CELSR1: variants seen among roughly 807,000 people sequenced by gnomAD.
CELSR1 encodes cadherin EGF LAG seven-pass G-type receptor 1.
In CELSR1, 110 loss-of-function variants were observed where a neutral mutation model predicts 249.1. The observed-to-expected ratio is 0.44, with a 90% CI of 0.38 to 0.52. CELSR1 has a LOEUF of 0.52. CELSR1 is among the 20% of genes least tolerant of loss of function. CELSR1 has a pLI of 0.00. For missense variants in CELSR1, 4,109 were observed against 4,296.4 expected, an observed-to-expected ratio of 0.96 and a Z score of 1.22; for synonymous variants, 2,113 against 1,900.0, an observed-to-expected ratio of 1.11 and a Z score of -2.92.
In CELSR1 at chr22:46,369,710, G is replaced by A. The variant is rs1198327969; in HGVS notation, c.7854C>T (p.Pro2618=). The A allele has an allele frequency of 3.1e-6, 5 of 1,613,496 alleles. No individual in the cohort carries two copies. The highest frequency in any genetic ancestry group is 2.2e-5 in the East Asian group (1 of 44,876). The stretch of plus-strand genomic sequence containing the variant: ...CACTCACGATTATAACAGCTCCGAT[G>A]GGCCCCGCAAAGCTCCAAATCAGGG... ...QDTLIWSFAG[P]IGAVIIINTV... is the part of the protein sequence containing the mutation. Residue 2618 remains proline, a synonymous_variant, in exon 26 of 35, where the codon CCC becomes CCT. Transcript: ENST00000674500.
Position 46,535,517 on chromosome 22 carries a change from A to T in CELSR1, c.1654T>A (p.Ser552Thr), listed in dbSNP as rs1206845515. The change falls in exon 1 of 35, where the codon TCT becomes ACT. Residue 552 changes from serine (S) to threonine (T), a missense_variant. By Grantham distance (58) the Ser-to-Thr change is moderately conservative. Coordinates refer to ENST00000674500, the MANE Select transcript of CELSR1 (RefSeq NM_001378328.1). ...PPLINSSGVV[S>T]VQVLDVNDNE... Reference sequence around the variant, plus strand: ...TCGTTGACATCCAGCACCTGCACAGACACCACCCCTGAAGAATTGATGAGC... The same window carrying T: ...TCGTTGACATCCAGCACCTGCACAGTCACCACCCCTGAAGAATTGATGAGC... 1.9e-6 allele frequency: 3 copies of T among 1,613,108 alleles called. No homozygotes were observed. Among genetic ancestry groups the T allele is most frequent in the Non-Finnish European group, 2.5e-6 (3 of 1,179,972 alleles).
intron 13 of CELSR1, among the ~76,000 whole-genome samples, chr22:46,394,985 T>G (rs896192404): frequency 5.3e-5 from 8 of 152,194 alleles, no homozygotes; most frequent in African/African-American, 1.9e-4. Flanking sequence ...CCCACCTGCC[T>G]GCAACGGCCC....
At position 46,381,838 on chromosome 22, in the gene CELSR1, G is replaced by A. The variant is rs2147219089; in HGVS notation, c.7088+8C>T. The A allele has an allele frequency of 1.3e-6, 2 of 1,545,936 alleles. No individual in the cohort carries two copies. Among genetic ancestry groups the A allele is most frequent in the South Asian group, 2.4e-5 (2 of 84,224 alleles). On this transcript the variant is annotated splice_region_variant and intron_variant, in intron 21 of 34. Coordinates refer to ENST00000674500, the MANE Select transcript of CELSR1 (RefSeq NM_001378328.1). This position sits in a 1 kb window ranked among gnomAD's most constrained non-coding sequence, Gnocchi z 6.0. ...GCCCTCCCCGTGTGCCCCGTGCCCA[G>A]GCCTTACCGGAGGCTGCGACGGTCG...
At chr22:46,452,006 G>A (rs1015341086) in intron 2 of CELSR1, among the ~76,000 whole-genome samples, 4 of 152,196 alleles carry the variant, frequency 2.6e-5, no homozygotes, top group Admixed American at 6.5e-5. Context: ...GCCACCAGGC[G>A]CCGGGGAGGC....
At chr22:46,384,206 G>A (rs2079008265) in intron 20 of CELSR1, among the ~76,000 whole-genome samples, 1 of 152,254 alleles carries the variant, frequency 6.6e-6, no homozygotes, top group Non-Finnish European at 1.5e-5. Flanking sequence ...AAAGTGCTGG[G>A]ATTACAGGCG....
chr22:46,409,073 G>A lies in CELSR1; in HGVS notation c.5149C>T (p.Leu1717Phe). The change falls in exon 9 of 35, where the codon CTC (leucine) becomes TTC (phenylalanine). Residue 1717 changes from leucine (L) to phenylalanine (F), a missense_variant. Physicochemically the swap from Leu to Phe is conservative, Grantham distance 22. Coordinates refer to ENST00000674500, the MANE Select transcript of CELSR1 (RefSeq NM_001378328.1). The surrounding 1 kb of genome is among the most constrained non-coding windows in gnomAD (Gnocchi z 9.8). ...TCCTCCTTCCGGGTCCGGAACATGAGCCCCAGGTACCAGGGCACAGAGATG... is the reference window on the plus strand; with the variant it reads ...TCCTCCTTCCGGGTCCGGAACATGAACCCCAGGTACCAGGGCACAGAGATG... Reference protein sequence around the residue: ...IIISVPWYLGLMFRTRKEDSV... With the variant: ...IIISVPWYLGFMFRTRKEDSV... The A allele has an allele frequency of 6.2e-7, 1 of 1,611,874 alleles. No homozygotes were observed. The highest frequency in any genetic ancestry group is 1.3e-5 in the African/African-American group (1 of 74,374).
rs567119798 is a variant in CELSR1 at position 46,433,827 on chromosome 22, G to A, written c.4523-346C>T. Among the ~76,000 whole-genome samples the A allele has an allele frequency of 3.3e-4, 50 of 152,268 alleles. No homozygotes were observed. The highest frequency in any genetic ancestry group is 1.2e-3 in the African/African-American group (49 of 41,528). On this transcript the variant is annotated intron_variant, in intron 4 of 34. Coordinates refer to ENST00000674500, the MANE Select transcript of CELSR1 (RefSeq NM_001378328.1). This position sits in a 1 kb window ranked among gnomAD's most constrained non-coding sequence, Gnocchi z 5.7. ...AGCCTCCTGAGTAGCTGGGATTACA[G>A]GCACCCACCACCACACCCGGCTAAT...
rs1379375713 is a variant in CELSR1, at chr22:46,423,351, G to A, written c.4611+10042C>T. ...TGGCCAGGCGCGGTGGCTCACGCCT[G>A]TAATCCCAGCACTTTGGGAGGCCGA... On this transcript the variant is annotated intron_variant, in intron 5 of 34. Transcript: ENST00000674500. The surrounding 1 kb of genome is among the most constrained non-coding windows in gnomAD (Gnocchi z 5.6). Among the ~76,000 whole-genome samples, 12 of 151,640 alleles carry A rather than the reference G, an allele frequency of 7.9e-5. No individual in the cohort carries two copies. The highest frequency in any genetic ancestry group is 1.5e-4 in the African/African-American group (6 of 41,320).
chr22:46,432,001 C>T (rs1371703292), intron 5 of CELSR1, among the ~76,000 whole-genome samples: 2 of 152,200 alleles, frequency 1.3e-5, no homozygotes, highest in Admixed American at 6.5e-5. Flanking sequence ...CCCCAAACCC[C>T]GAGCAAGCAC....
chr22:46,486,243 G>A (rs2080311847), intron 1 of CELSR1, among the ~76,000 whole-genome samples: 1 of 150,740 alleles, frequency 6.6e-6, no homozygotes, highest in Non-Finnish European at 1.5e-5. Flanking sequence ...CCGGCCTCAG[G>A]TACTTTTTAA....
rs59440802 is a variant in CELSR1, at chr22:46,488,665, CT to C, written c.3545-24321del. 0.53 allele frequency among the ~76,000 whole-genome samples: 77,879 copies of C among 147,438 alleles called. 20,775 individuals carry two copies. Among genetic ancestry groups the C allele is most frequent in the African/African-American group, 0.63 (25,413 of 40,070 alleles). On this transcript the variant is annotated intron_variant, in intron 1 of 34. Transcript: ENST00000674500. The surrounding 1 kb of genome is among the most constrained non-coding windows in gnomAD (Gnocchi z 4.7). ...ACCACTCCCGTGCCACAGCCCTGCC[CT>C]TTTTTTTTTTTGAGACGGAGTCTTG...
At chr22:46,463,599 C>A in intron 2 of CELSR1, 108 bp downstream of exon 2, 1 of 1,258,014 alleles carries the variant, frequency 7.9e-7, no homozygotes, top group Non-Finnish European at 1.1e-6. Flanking sequence ...AGCGCCCATC[C>A]TCCAGCTGTT....
chr22:46,516,179 T>G (rs1028417399), intron 1 of CELSR1, among the ~76,000 whole-genome samples: 27 of 152,258 alleles, frequency 1.8e-4, no homozygotes, highest in African/African-American at 5.5e-4. Flanking sequence ...GCGGCACTAC[T>G]CACAATAGCA....
At chr22:46,378,226 G>A (rs1311372055) in intron 23 of CELSR1, among the ~76,000 whole-genome samples, 1 of 152,178 alleles carries the variant, frequency 6.6e-6, no homozygotes, top group Non-Finnish European at 1.5e-5. Context: ...GGTGGGGAGC[G>A]GCACCGTCCA....
Position 46,468,106 on chromosome 22 carries a change from G to A in CELSR1, c.3545-3761C>T, listed in dbSNP as rs563618446. Among the ~76,000 whole-genome samples the A allele has an allele frequency of 1.5e-4, 23 of 151,898 alleles. No homozygotes were observed. The highest frequency in any genetic ancestry group is 1.4e-3 in the East Asian group (7 of 5,146). ...TTAACGGATTAAAACAATGTGGTCT[G>A]GCCAGGTGTGGTGGCTTACACCTGT... On this transcript the variant is annotated intron_variant, in intron 1 of 34. Coordinates refer to ENST00000674500, the MANE Select transcript of CELSR1 (RefSeq NM_001378328.1). This position sits in a 1 kb window ranked among gnomAD's most constrained non-coding sequence, Gnocchi z 4.5.
chr22:46,394,278 G>C lies in CELSR1; in HGVS notation c.5844-16C>G. 9 of 1,609,580 alleles carry C rather than the reference G, an allele frequency of 5.6e-6. No individual in the cohort carries two copies. Among genetic ancestry groups the C allele is most frequent in the Non-Finnish European group, 7.6e-6 (9 of 1,178,258 alleles). On this transcript the variant is annotated splice_polypyrimidine_tract_variant and intron_variant, in intron 13 of 34. Coordinates refer to ENST00000674500, the MANE Select transcript of CELSR1 (RefSeq NM_001378328.1). ...AAGGTCGAGTCTGTGGGGAAAATAA[G>C]AGGGCAGCTGGAAGGTTTATGTAAC...
At position 46,367,828 on chromosome 22, in the gene CELSR1, C is replaced by T; in HGVS notation, c.7980G>A (p.Leu2660=). The T allele has an allele frequency of 6.2e-7, 1 of 1,611,518 alleles. No individual in the cohort carries two copies. The highest frequency in any genetic ancestry group is 8.5e-7 in the Non-Finnish European group (1 of 1,179,706). ...GCCAGGTGGCGCTGATGAGCAGCAG[C>T]AGGAGGAATGCGGTCCTCAGCAGGG... ...IVSLLRTAFL[L]LLLISATWLL... The change falls in exon 28 of 35, where the codon CTG becomes CTA. Residue 2660 remains leucine, a synonymous_variant. Coordinates refer to ENST00000674500, the MANE Select transcript of CELSR1 (RefSeq NM_001378328.1).
chr22:46,520,195 C>T (rs1306140897), intron 1 of CELSR1, among the ~76,000 whole-genome samples: 5 of 151,962 alleles, frequency 3.3e-5, no homozygotes, highest in African/African-American at 1.2e-4. Context: ...TTTGTGATCT[C>T]AAGACATGGT....
In CELSR1 at chr22:46,380,711, G is replaced by C. The variant is rs1308573127; in HGVS notation, c.7256+77C>G. On this transcript the variant is annotated intron_variant, in intron 22 of 34. Coordinates refer to ENST00000674500, the MANE Select transcript of CELSR1 (RefSeq NM_001378328.1). The surrounding 1 kb of genome is among the most constrained non-coding windows in gnomAD (Gnocchi z 5.1). ...AGAGACCGTCCTCTTGGGGCGCTCT[G>C]CCACTGAGCCCCCGACCCTGCGGGG... 6.5e-7 allele frequency: 1 copy of C among 1,531,334 alleles called. No individual in the cohort carries two copies. Among genetic ancestry groups the C allele is most frequent in the African/African-American group, 1.4e-5 (1 of 72,914 alleles). 94.9% of individuals were successfully genotyped at this position (1,531,334 alleles called of 1,614,324 possible).
Sources: gnomAD v4.1 joint callset for allele counts (sites outside exome capture counted in the v4.1 genomes callset) on GRCh38, gnomAD v4.1.1 for gene constraint, Gnocchi (gnomAD v3.1) non-coding constraint, MANE v1.5 for transcripts, NCBI Gene and HGNC (gene_info 2026-07-23, HGNC 2026-07-21) for gene names.